Variants in GSE1 observed in about 807,000 individuals in gnomAD.
The protein encoded by GSE1 is genetic suppressor element 1.
A neutral mutation model predicts 112.6 loss-of-function variants in GSE1; 32 were observed. That is an observed-to-expected ratio of 0.28 (90% CI 0.21 to 0.38). The LOEUF is 0.38. GSE1 is among the 10% of genes least tolerant of loss of function. The pLI is 1.00. For missense variants in GSE1, 2,348 were observed against 1,699.2 expected, an observed-to-expected ratio of 1.38 and a Z score of -6.71; for synonymous variants, 1,115 against 735.6, an observed-to-expected ratio of 1.52 and a Z score of -8.35.
At chr16:85,596,512 C>G (rs182380043) in intron 1 of GSE1, among the ~76,000 whole-genome samples, 13 of 152,362 alleles carry the variant, frequency 8.5e-5, no homozygotes, top group African/African-American at 3.1e-4. Flanking sequence ...ACATACACCT[C>G]ACAGACCAAA....
chr16:85,523,587 C>T (rs1485418909), intron 2 of GSE1, among the ~76,000 whole-genome samples: 1 of 152,192 alleles, frequency 6.6e-6, no homozygotes, highest in African/African-American at 2.4e-5. Context: ...CCACTCCACT[C>T]CTGGCCCCAG....
intron 1 of GSE1, among the ~76,000 whole-genome samples, chr16:85,298,902 G>T (rs1264342035): frequency 2.0e-5 from 3 of 152,208 alleles, no homozygotes; most frequent in African/African-American, 7.2e-5. Flanking sequence ...TGTCTGTGCT[G>T]GTGGACGGGC....
chr16:85,247,496 G>T (rs1297745205), intron 1 of GSE1, among the ~76,000 whole-genome samples: 2 of 152,174 alleles, frequency 1.3e-5, no homozygotes, highest in Non-Finnish European at 1.5e-5. Context: ...CGGGATGAGG[G>T]CCGGACCCGC....
intron 1 of GSE1, among the ~76,000 whole-genome samples, chr16:85,223,983 C>G (rs1346518611): frequency 2.0e-5 from 3 of 152,146 alleles, no homozygotes; most frequent in Non-Finnish European, 4.4e-5. Flanking sequence ...CCACTTCCCT[C>G]CATTTCCAGA....
chr16:85,645,289 G>A (rs1376943795), intron 2 of GSE1, among the ~76,000 whole-genome samples: 1 of 152,114 alleles, frequency 6.6e-6, no homozygotes, highest in East Asian at 1.9e-4. Flanking sequence ...GTGATGAGGT[G>A]GGGGCCTTGC....
At chr16:85,400,569 A>G (rs1331364210) in intron 2 of GSE1, among the ~76,000 whole-genome samples, 1 of 140,658 alleles carries the variant, frequency 7.1e-6, no homozygotes, top group Admixed American at 7.1e-5. Context: ...GTGGTTGTGT[A>G]CCTGTGTGAT....
At chr16:85,595,893 C>T (rs906462518) in intron 1 of GSE1, among the ~76,000 whole-genome samples, 1 of 134,254 alleles carries the variant, frequency 7.4e-6, no homozygotes, top group African/African-American at 2.8e-5. Flanking sequence ...CCCACCCATT[C>T]CTCCATCCAC....
intron 1 of GSE1, among the ~76,000 whole-genome samples, chr16:85,560,231 G>A (rs779287647): frequency 9.9e-5 from 15 of 151,440 alleles, no homozygotes; most frequent in Non-Finnish European, 2.2e-4. Context: ...CGCCTCCCGG[G>A]TTCAAGCGAT....
chr16:85,635,192 C>G (rs183750110), intron 2 of GSE1, among the ~76,000 whole-genome samples: 35 of 152,254 alleles, frequency 2.3e-4, no homozygotes, highest in South Asian at 2.1e-4. Flanking sequence ...TCTGCTGCTG[C>G]TCGTTGGAGA....
At position 85,429,291 on chromosome 16, in the gene GSE1, C is replaced by T. The variant is rs558785515; in HGVS notation, c.2464+71648C>T. On this transcript the variant is annotated intron_variant, in intron 2 of 2. Transcript: ENST00000637419. ...CGGTCACATTCTGTGTGGCATGCAT[C>T]ACTGGCATGTTCTGCCACGGGCATG... is the stretch of plus-strand genomic sequence containing the variant. 1.1e-4 allele frequency among the ~76,000 whole-genome samples: 17 copies of T among 152,366 alleles called. 1 individual carries two copies. The South Asian group carries it at 3.5e-3, about 32-fold the overall frequency.
rs199616103 is a variant in GSE1, at chr16:85,666,380, G to A, written c.3130+33G>A. 1,545 of 1,611,560 alleles carry A rather than the reference G, an allele frequency of 9.6e-4. 2 individuals are homozygous for A. The highest frequency in any genetic ancestry group is 1.4e-3 in the African/African-American group (106 of 74,986). Reference sequence around the variant, plus strand: ...GGCTGCCAGTCCCTGCTCAGCTCTCGGCTGTGGTTGAGGCTGACCAAAGTT... The same window carrying A: ...GGCTGCCAGTCCCTGCTCAGCTCTCAGCTGTGGTTGAGGCTGACCAAAGTT... On this transcript the variant is annotated intron_variant, in intron 13 of 15. Transcript: ENST00000253458.
intron 8 of GSE1, among the ~76,000 whole-genome samples, chr16:85,660,215 T>G (rs2052318053): frequency 6.6e-6 from 1 of 152,196 alleles, no homozygotes; most frequent in African/African-American, 2.4e-5. Flanking sequence ...TTAGGGGAAT[T>G]CACGCAAGCA....
chr16:85,625,248 C>T lies in GSE1; in HGVS notation c.8-8666C>T, dbSNP rs566781026. 5.3e-5 allele frequency among the ~76,000 whole-genome samples: 8 copies of T among 152,346 alleles called. No individual in the cohort carries two copies. The South Asian group carries it at 1.4e-3, about 28-fold the overall frequency. On this transcript the variant is annotated intron_variant, in intron 1 of 15. Coordinates refer to ENST00000253458, the MANE Select transcript of GSE1 (RefSeq NM_014615.5). Reference sequence around the variant, plus strand: ...GCCTGCTTCTCCGCACACACAGCAGCCGCTTAGGATAATCGCGTCAAATGT... The same window carrying T: ...GCCTGCTTCTCCGCACACACAGCAGTCGCTTAGGATAATCGCGTCAAATGT...
intron 1 of GSE1, among the ~76,000 whole-genome samples, chr16:85,321,794 A>AAC (rs200524094): frequency 1.0e-4 from 13 of 125,758 alleles, no homozygotes; most frequent in African/African-American, 3.4e-4. Flanking sequence ...GCCTGTCTTA[A>AAC]AAAAAAAAAA....
chr16:85,543,460 C>T (rs2044593468), intron 2 of GSE1, among the ~76,000 whole-genome samples: 1 of 152,190 alleles, frequency 6.6e-6, no homozygotes, highest in South Asian at 2.1e-4. Flanking sequence ...CCAGAGGCAC[C>T]AGGGTTGCCC....
At chr16:85,525,106 G>A (rs2052322386) in intron 2 of GSE1, among the ~76,000 whole-genome samples, 1 of 152,188 alleles carries the variant, frequency 6.6e-6, no homozygotes, top group Non-Finnish European at 1.5e-5. Context: ...GGTTTCGCCA[G>A]CCTCCTGGCC....
chr16:85,444,292 G>T (rs2049454483), intron 2 of GSE1, among the ~76,000 whole-genome samples: 1 of 152,198 alleles, frequency 6.6e-6, no homozygotes, highest in Non-Finnish European at 1.5e-5. Context: ...TCAGGGGGGT[G>T]CTTTCTAGCC....
At chr16:85,556,950 C>T (rs919169352) in intron 1 of GSE1, among the ~76,000 whole-genome samples, 1 of 152,076 alleles carries the variant, frequency 6.6e-6, no homozygotes, top group East Asian at 1.9e-4. Context: ...TTCCTGTTTC[C>T]TTAACCTTCC....
In GSE1 at chr16:85,661,549, A is replaced by C; in HGVS notation, c.2044A>C (p.Thr682Pro). The C allele has an allele frequency of 6.2e-7, 1 of 1,611,750 alleles. No individual in the cohort carries two copies. The highest frequency in any genetic ancestry group is 8.5e-7 in the Non-Finnish European group (1 of 1,179,622). ...GPFLAELEKS[T>P]QTILGQQRAS... The stretch of plus-strand genomic sequence containing the variant: ...CTTCCTGGCTGAGCTCGAGAAGTCC[A>C]CCCAGACCATCCTGGGCCAGCAGCG... The change falls in exon 9 of 16, where the codon ACC becomes CCC. Residue 682 changes from threonine to proline, a missense_variant. Thr to Pro is a conservative substitution (Grantham distance 38). Coordinates refer to ENST00000253458, the MANE Select transcript of GSE1 (RefSeq NM_014615.5).
Sources: allele counts gnomAD v4.1 joint callset (sites outside exome capture counted in the v4.1 genomes callset), GRCh38; gene constraint gnomAD v4.1.1; transcripts MANE v1.5; gene names NCBI Gene and HGNC (gene_info 2026-07-23, HGNC 2026-07-21).